Variants in NDUFB4 observed in about 807,000 individuals in gnomAD.
The protein encoded by NDUFB4 is NADH:ubiquinone oxidoreductase subunit B4, also known as NADH dehydrogenase [ubiquinone] 1 beta subcomplex subunit 4.
Under a neutral mutation model 14.5 loss-of-function variants are expected in NDUFB4, and 10 were observed. The observed-to-expected ratio is 0.69, with a 90% confidence interval of 0.43 to 1.17. The LOEUF (loss-of-function observed/expected upper bound fraction) is 1.17. Ranked by LOEUF, NDUFB4 falls within the 50% of genes most tolerant of loss-of-function variation. The probability of loss-of-function intolerance (pLI) is 0.00; values close to 1 mark genes in which losing one functional copy is unlikely to be tolerated. For missense variants in NDUFB4, 165 were observed against 161.1 expected (o/e 1.02, Z -0.13); for synonymous variants, 65 against 63.4 (o/e 1.03, Z -0.12).
chr3:120,596,540 G>C lies in NDUFB4; in HGVS notation c.180+1G>C, dbSNP rs888551670. On this transcript the variant is annotated splice_donor_variant, in intron 1 of 2. Transcript: ENST00000184266. LOFTEE classifies it high-confidence loss of function. Reference sequence around the variant, plus strand: ...CGATCCCAACCGCCGAGGGCTCATCGTGAGTGTGGGGCCTCCCAGGCGGGA... The same window carrying C: ...CGATCCCAACCGCCGAGGGCTCATCCTGAGTGTGGGGCCTCCCAGGCGGGA... The C allele has an allele frequency of 6.8e-6, 11 of 1,613,126 alleles. No homozygotes were observed. Among genetic ancestry groups the C allele is most frequent in the African/African-American group, 4.0e-5 (3 of 74,934 alleles).
intron 1 of NDUFB4, among the ~76,000 whole-genome samples, chr3:120,597,873 TCA>T (rs1939991404): frequency 6.6e-6 from 1 of 152,066 alleles, no homozygotes; most frequent in South Asian, 2.1e-4. Flanking sequence ...GAATAAGGCC[TCA>T]GTCAGACCTG....
Position 120,596,381 on chromosome 3 carries a change from C to G in NDUFB4, c.22C>G (p.Pro8Ala). Residue 8 changes from proline to alanine, a missense_variant, in exon 1 of 3, where the codon CCG becomes GCG. By Grantham distance (27) the Pro-to-Ala change is conservative. Coordinates refer to ENST00000184266, the MANE Select transcript of NDUFB4 (RefSeq NM_004547.6). MSFPKYK[P>A]SSLRTLPETL... Reference sequence around the variant, plus strand: ...CAAGATGTCGTTCCCAAAGTATAAGCCGTCGAGCCTGCGCACTCTGCCTGA... The same window carrying G: ...CAAGATGTCGTTCCCAAAGTATAAGGCGTCGAGCCTGCGCACTCTGCCTGA... The G allele has an allele frequency of 1.9e-6, 3 of 1,614,190 alleles. No individual in the cohort carries two copies. Among genetic ancestry groups the G allele is most frequent in the Non-Finnish European group, 1.7e-6 (2 of 1,180,020 alleles).
intron 2 of NDUFB4, chr3:120,601,870 T>G: frequency 9.5e-7 from 1 of 1,055,180 alleles, no homozygotes; most frequent in Non-Finnish European, 1.1e-6. Flanking sequence ...AGAAAGGTAG[T>G]CCACATTTTC....
In NDUFB4 at chr3:120,601,172, G is replaced by A; in HGVS notation, c.242G>A (p.Arg81Lys). Residue 81 changes from arginine (R) to lysine (K), a missense_variant, in exon 2 of 3, where the codon AGA (arginine) becomes AAA (lysine). Arg to Lys is a conservative substitution (Grantham distance 26, BLOSUM62 2). Coordinates refer to ENST00000184266, the MANE Select transcript of NDUFB4 (RefSeq NM_004547.6). The part of the protein sequence containing the change: ...ARTINVYPNF[R>K]PTPKNSLMGA... The stretch of plus-strand genomic sequence containing the variant: ...ACAATAAATGTCTATCCTAATTTCA[G>A]ACCCACTCCTAAAAACTCACTCATG... The A allele has an allele frequency of 6.2e-7, 1 of 1,614,090 alleles. No individual in the cohort carries two copies. Among genetic ancestry groups the A allele is most frequent in the South Asian group, 1.1e-5 (1 of 91,074 alleles).
chr3:120,601,824 G>T, intron 2 of NDUFB4: 1 of 1,025,526 alleles, frequency 9.8e-7, no homozygotes, highest in South Asian at 3.9e-5. Context: ...ATTAGAGTTC[G>T]TGTATTTTGA....
chr3:120,600,129 T>G (rs1017895617), intron 1 of NDUFB4, among the ~76,000 whole-genome samples: 5 of 147,702 alleles, frequency 3.4e-5, no homozygotes, highest in African/African-American at 7.3e-5. Context: ...TTGTTTTTTT[T>G]TTTTTTTAAA....
intron 1 of NDUFB4, among the ~76,000 whole-genome samples, chr3:120,600,622 C>T (rs138443022): frequency 0.02 from 3,110 of 152,232 alleles, 39 homozygotes; most frequent in Middle Eastern, 0.031. Flanking sequence ...TTATTTGTAG[C>T]CTGGAAAGAC....
chr3:120,599,349 G>A lies in NDUFB4; in HGVS notation c.181-1762G>A, dbSNP rs1940019104. On this transcript the variant is annotated intron_variant, in intron 1 of 2. Coordinates refer to ENST00000184266, the MANE Select transcript of NDUFB4 (RefSeq NM_004547.6). ...GGAGGTAAAATTTTGGGAATCATCA[G>A]CCTTTAGATAGATTATTTAAAGTTA... is the stretch of plus-strand genomic sequence containing the variant. 2.0e-5 allele frequency among the ~76,000 whole-genome samples: 3 copies of A among 152,086 alleles called. No homozygotes were observed. The South Asian group carries it at 6.2e-4, about 31-fold the overall frequency.
intron 1 of NDUFB4, 171 bp downstream of exon 1, chr3:120,596,710 G>A: frequency 1.4e-6 from 1 of 724,110 alleles, no homozygotes; most frequent in Non-Finnish European, 2.2e-6. Context: ...GCCCTCGAGA[G>A]GACCGGCTCT....
chr3:120,598,828 A>C (rs1002013430), intron 1 of NDUFB4, among the ~76,000 whole-genome samples: 2 of 152,176 alleles, frequency 1.3e-5, no homozygotes. Flanking sequence ...GTGAGGGCAG[A>C]GTGGGACAAG....
chr3:120,600,426 T>A (rs140746367), intron 1 of NDUFB4, among the ~76,000 whole-genome samples: 3,111 of 152,310 alleles, frequency 0.02, 41 homozygotes, highest in Middle Eastern at 0.031. Flanking sequence ...ATAGTTATTC[T>A]AGTATAAATA....
chr3:120,601,608 C>G (rs1443951764), intron 2 of NDUFB4: 1 of 1,081,108 alleles, frequency 9.2e-7, no homozygotes, highest in Non-Finnish European at 1.1e-6. Flanking sequence ...TATTAATACT[C>G]TACGGACAGA....
intron 1 of NDUFB4, among the ~76,000 whole-genome samples, chr3:120,599,461 G>A (rs2107471796): frequency 6.6e-6 from 1 of 152,182 alleles, no homozygotes; most frequent in South Asian, 2.1e-4. Flanking sequence ...AGATGAGGAG[G>A]AAAAGAGCAA....
intron 1 of NDUFB4, among the ~76,000 whole-genome samples, chr3:120,599,895 T>C (rs1169551889): frequency 1.3e-5 from 2 of 152,050 alleles, no homozygotes; most frequent in Non-Finnish European, 2.9e-5. Flanking sequence ...CTAATCTGTG[T>C]CTTTACCCTC....
At chr3:120,600,121 G>GTTTT (rs535359141) in intron 1 of NDUFB4, among the ~76,000 whole-genome samples, 1 of 117,974 alleles carries the variant, frequency 8.5e-6, no homozygotes, top group African/African-American at 3.0e-5. Context: ...TTTTTTTTTT[G>GTTTT]TTTTTTTTTT....
At chr3:120,601,966 T>C in intron 2 of NDUFB4, 1 of 1,248,292 alleles carries the variant, frequency 8.0e-7, no homozygotes, top group Non-Finnish European at 1.0e-6. Flanking sequence ...AAGATGTTTT[T>C]GAATAGGAGC....
intron 1 of NDUFB4, among the ~76,000 whole-genome samples, chr3:120,597,870 G>A (rs903769749): frequency 1.3e-5 from 2 of 152,020 alleles, no homozygotes; most frequent in Admixed American, 6.5e-5. Context: ...AAAGAATAAG[G>A]CCTCAGTCAG....
At chr3:120,601,485 AGAT>A (rs1940062832) in intron 2 of NDUFB4, 4 of 1,391,356 alleles carry the variant, frequency 2.9e-6, no homozygotes, top group Non-Finnish European at 3.7e-6. Context: ...TTTTTTAAAA[AGAT>A]GATGTTTATT....
Position 120,596,970 on chromosome 3 carries a change from A to ATATATTCTATATATATGCATATATAT in NDUFB4, c.180+459_180+484dup, listed in dbSNP as rs1227244023. The stretch of plus-strand genomic sequence containing the variant: ...TATGCATATATATATTATATTATAT[A>ATATATTCTATATATATGCATATATAT]TATATTCTATATATATGCATATATA... On this transcript the variant is annotated intron_variant, in intron 1 of 2. Transcript: ENST00000184266. 1.4e-4 allele frequency among the ~76,000 whole-genome samples: 20 copies of ATATATTCTATATATATGCATATATAT among 146,774 alleles called. No homozygotes were observed. In the South Asian group the frequency reaches 2.9e-3, roughly 22 times the overall value.
Sources: allele counts gnomAD v4.1 joint callset (sites outside exome capture counted in the v4.1 genomes callset), GRCh38; gene constraint gnomAD v4.1.1; transcripts MANE v1.5; gene names NCBI Gene and HGNC (gene_info 2026-07-23, HGNC 2026-07-21).